The following ITGBL1 variants were observed in gnomAD, a reference collection of about 807,000 sequenced individuals.
ITGBL1 encodes integrin beta-like protein 1.
A neutral mutation model predicts 68.5 loss-of-function variants in ITGBL1; 51 were observed. That is an observed-to-expected ratio of 0.74 (90% CI 0.59 to 0.94). The LOEUF is 0.94. Ranked by LOEUF, ITGBL1 falls within the 40% of genes least tolerant of loss-of-function variation. The probability of loss-of-function intolerance (pLI) is 0.00; values close to 1 mark genes in which losing one functional copy is unlikely to be tolerated. For synonymous variants in ITGBL1, 209 were observed against 227.3 expected, an observed-to-expected ratio of 0.92 and a Z score of 0.72; for missense variants, 649 against 647.4, an observed-to-expected ratio of 1.00 and a Z score of -0.03.
At chr13:101,594,451 A>C (rs543887252) in intron 6 of ITGBL1, among the ~76,000 whole-genome samples, 7 of 152,228 alleles carry the variant, frequency 4.6e-5, no homozygotes, top group African/African-American at 1.7e-4. Context: ...TTAAAGACTT[A>C]TATGTAAAAC....
chr13:101,636,993 T>C (rs2139421053), intron 7 of ITGBL1, among the ~76,000 whole-genome samples: 1 of 152,310 alleles, frequency 6.6e-6, no homozygotes, highest in African/African-American at 2.4e-5. Context: ...AACTCTTTAC[T>C]GGGGCTGAAG....
intron 2 of ITGBL1, among the ~76,000 whole-genome samples, chr13:101,458,468 T>C (rs1429690512): frequency 6.6e-6 from 1 of 152,210 alleles, no homozygotes; most frequent in Admixed American, 6.5e-5. Flanking sequence ...TTGATCATAT[T>C]GTAGAGAGTT....
At chr13:101,599,391 G>T (rs1031648302) in intron 7 of ITGBL1, among the ~76,000 whole-genome samples, 3 of 150,868 alleles carry the variant, frequency 2.0e-5, no homozygotes, top group Non-Finnish European at 4.5e-5. Context: ...TAGGTTGCCT[G>T]TTCACTCTGA....
intron 6 of ITGBL1, among the ~76,000 whole-genome samples, chr13:101,593,639 T>A (rs1444987091): frequency 2.0e-5 from 3 of 152,064 alleles, no homozygotes; most frequent in Non-Finnish European, 4.4e-5. Context: ...CTGGAGGTCA[T>A]CATGTTAGGT....
intron 1 of ITGBL1, 73 bp from the exon 2 acceptor site, chr13:101,453,810 G>A: frequency 3.9e-6 from 4 of 1,029,194 alleles, no homozygotes; most frequent in Non-Finnish European, 4.9e-6. Context: ...ACACTGGGGA[G>A]GAAACGTGGG....
chr13:101,558,069 G>A (rs1238180888), intron 2 of ITGBL1, among the ~76,000 whole-genome samples: 1 of 101,180 alleles, frequency 9.9e-6, no homozygotes, highest in Non-Finnish European at 1.8e-5. Flanking sequence ...GGGAGACAGA[G>A]CAAAACTCCG....
intron 2 of ITGBL1, among the ~76,000 whole-genome samples, chr13:101,511,090 G>A (rs2049108591): frequency 1.3e-5 from 2 of 151,868 alleles, no homozygotes; most frequent in Non-Finnish European, 2.9e-5. Flanking sequence ...ATGTCGATGA[G>A]GATATTTCCT....
At chr13:101,565,753 T>C (rs1255551563) in intron 2 of ITGBL1, among the ~76,000 whole-genome samples, 1 of 151,862 alleles carries the variant, frequency 6.6e-6, no homozygotes, top group Non-Finnish European at 1.5e-5. Context: ...CAGACTCTTT[T>C]CCATGTTTAT....
At chr13:101,610,547 A>G (rs956026500) in intron 7 of ITGBL1, among the ~76,000 whole-genome samples, 5 of 152,156 alleles carry the variant, frequency 3.3e-5, no homozygotes, top group Admixed American at 3.3e-4. Flanking sequence ...TCTTACCACC[A>G]TGTATCTCTG....
intron 7 of ITGBL1, among the ~76,000 whole-genome samples, chr13:101,599,673 G>A (rs1270444894): frequency 6.6e-6 from 1 of 152,158 alleles, no homozygotes; most frequent in South Asian, 2.1e-4. Flanking sequence ...AGTTTTCCCA[G>A]CACCATTTAT....
At chr13:101,668,323 G>A (rs1483685698) in intron 7 of ITGBL1, among the ~76,000 whole-genome samples, 2 of 152,174 alleles carry the variant, frequency 1.3e-5, no homozygotes, top group Non-Finnish European at 2.9e-5. Context: ...AGGGGGCAGA[G>A]GTTGCAGTGA....
chr13:101,512,567 A>G (rs1016212782), intron 2 of ITGBL1, among the ~76,000 whole-genome samples: 2 of 152,156 alleles, frequency 1.3e-5, no homozygotes, highest in East Asian at 3.9e-4. Flanking sequence ...TAAACACCTC[A>G]TCAAAGATTT....
chr13:101,699,005 A>G (rs1207612107), intron 8 of ITGBL1, among the ~76,000 whole-genome samples: 25 of 152,204 alleles, frequency 1.6e-4, no homozygotes, highest in Admixed American at 1.6e-3. Context: ...TCTCTAGTTC[A>G]TCGCTGCAAT....
At chr13:101,715,138 T>C (rs1469853) in intron 10 of ITGBL1, 24,879 of 167,156 alleles carry the variant, frequency 0.15, 2,318 homozygotes, top group East Asian at 0.42. Flanking sequence ...ACTCTTTGTG[T>C]GTCATTAAGT....
At chr13:101,612,144 T>C (rs568137770) in intron 7 of ITGBL1, among the ~76,000 whole-genome samples, 2 of 152,368 alleles carry the variant, frequency 1.3e-5, no homozygotes, top group East Asian at 3.9e-4. Flanking sequence ...TTTGGCTTCC[T>C]ATTTAAGTTT....
chr13:101,605,594 G>A (rs540788997), intron 7 of ITGBL1, among the ~76,000 whole-genome samples: 5 of 151,076 alleles, frequency 3.3e-5, no homozygotes, highest in African/African-American at 4.9e-5. Flanking sequence ...ATTTAGACAC[G>A]TACGTGTGTA....
chr13:101,481,563 T>A (rs12431251), intron 2 of ITGBL1, among the ~76,000 whole-genome samples: 4 of 151,632 alleles, frequency 2.6e-5, no homozygotes, highest in East Asian at 1.9e-4. Flanking sequence ...TTCCTCCACC[T>A]TATCCCAGAG....
intron 7 of ITGBL1, among the ~76,000 whole-genome samples, chr13:101,618,114 G>A (rs2031437986): frequency 6.6e-6 from 1 of 152,132 alleles, no homozygotes; most frequent in Non-Finnish European, 1.5e-5. Context: ...ATAGATTCTG[G>A]TTGAATCCAC....
intron 2 of ITGBL1, among the ~76,000 whole-genome samples, chr13:101,564,722 A>G (rs1220030814): frequency 6.6e-6 from 1 of 150,618 alleles, no homozygotes; most frequent in Non-Finnish European, 1.5e-5. Flanking sequence ...ACATATATAT[A>G]GAAACACAGG....
Sources: gnomAD v4.1 joint callset for allele counts (sites outside exome capture counted in the v4.1 genomes callset) on GRCh38, gnomAD v4.1.1 for gene constraint, MANE v1.5 for transcripts, NCBI Gene and HGNC (gene_info 2026-07-23, HGNC 2026-07-21) for gene names.